Variants in ANK2 observed in about 807,000 individuals in gnomAD.
ANK2 encodes ankyrin-2.
In ANK2, 83 loss-of-function variants were observed where a neutral mutation model predicts 360.5. That is an observed-to-expected ratio of 0.23 (90% CI 0.19 to 0.28). The LOEUF (loss-of-function observed/expected upper bound fraction) is 0.28. ANK2 is among the 10% of genes least tolerant of loss of function. ANK2 has a pLI of 1.00. For missense variants in ANK2, 4,201 were observed against 4,795.7 expected (o/e 0.88, Z 3.66); for synonymous variants, 1,740 against 1,759.5 (o/e 0.99, Z 0.28).
intron 2 of ANK2, among the ~76,000 whole-genome samples, chr4:113,184,939 A>C (rs185964425): frequency 6.0e-4 from 91 of 152,018 alleles, no homozygotes; most frequent in African/African-American, 1.9e-3. Flanking sequence ...GCTCCCACTT[A>C]TGAGTGAGAT....
chr4:112,975,984 T>A (rs2041247578), intron 2 of ANK2, among the ~76,000 whole-genome samples: 1 of 152,182 alleles, frequency 6.6e-6, no homozygotes, highest in Non-Finnish European at 1.5e-5. Context: ...TCCTATCTTA[T>A]ATTTAATTGG....
intron 14 of ANK2, among the ~76,000 whole-genome samples, chr4:113,269,919 T>C (rs1422379766): frequency 6.6e-6 from 1 of 152,236 alleles, no homozygotes; most frequent in East Asian, 1.9e-4. Flanking sequence ...ATTACTCTTG[T>C]TGTCTTGGTT....
intron 15 of ANK2, among the ~76,000 whole-genome samples, chr4:113,275,500 C>T (rs1436813625): frequency 1.3e-5 from 2 of 152,126 alleles, no homozygotes; most frequent in Non-Finnish European, 2.9e-5. Flanking sequence ...ATAAGTACTT[C>T]ATCCAGGGAG....
At chr4:113,250,217 T>C (rs2045390562) in intron 10 of ANK2, among the ~76,000 whole-genome samples, 1 of 152,188 alleles carries the variant, frequency 6.6e-6, no homozygotes, top group Admixed American at 6.5e-5. Flanking sequence ...TATATAAAAT[T>C]ATCTTTTAAA....
At chr4:112,717,556 G>T in the ANK2 span, among the ~76,000 whole-genome samples, 1 of 152,112 alleles carries the variant, frequency 6.6e-6, no homozygotes, top group Non-Finnish European at 1.5e-5. Flanking sequence ...GTAGATTTCA[G>T]AGTAATAGAC....
chr4:112,894,164 TA>T (rs569323034), intron 1 of ANK2, among the ~76,000 whole-genome samples: 71 of 148,880 alleles, frequency 4.8e-4, no homozygotes, highest in Middle Eastern at 7.0e-3. Flanking sequence ...TGGCTTCTTT[TA>T]AAAAAAAAAA....
intron 1 of ANK2, among the ~76,000 whole-genome samples, chr4:112,859,467 G>A (rs2067305911): frequency 6.6e-6 from 1 of 152,214 alleles, no homozygotes; most frequent in African/African-American, 2.4e-5. Flanking sequence ...CCAGTTAGGT[G>A]TATGTTTTAC....
intron 1 of ANK2, among the ~76,000 whole-genome samples, chr4:113,161,337 G>A (rs183172572): frequency 0.015 from 2,332 of 152,234 alleles, 25 homozygotes; most frequent in Non-Finnish European, 0.026. Flanking sequence ...TTTTTTAAAA[G>A]GCAGTGCAAG....
intron 10 of ANK2, among the ~76,000 whole-genome samples, chr4:113,253,998 G>A (rs549388866): frequency 4.9e-4 from 75 of 152,184 alleles, no homozygotes; most frequent in Admixed American, 3.9e-3. Flanking sequence ...GATCATGCCC[G>A]TTATAATCCC....
In ANK2 at chr4:113,356,015, G is replaced by A. The variant is rs142078935; in HGVS notation, c.7397G>A (p.Arg2466His). ...EPSPLKESPCRDSLESSPVEP... is the reference protein window; with the variant it reads ...EPSPLKESPCHDSLESSPVEP... ...AGTCCTCTGAAAGAATCCCCTTGCC[G>A]TGACTCTCTGGAAAGCAGCCCTGTT... Residue 2466 changes from arginine to histidine, a missense_variant, in exon 38 of 46, where the codon CGT becomes CAT. This residue lies in a region of ANK2 where 2,642 missense variants were observed against 2,714.5 expected (regional missense o/e 0.97). Coordinates refer to ENST00000357077, the MANE Select transcript of ANK2 (RefSeq NM_001148.6). 870 of 1,614,074 alleles carry A rather than the reference G, an allele frequency of 5.4e-4. 4 individuals carry two copies. The highest frequency in any genetic ancestry group is 5.0e-4 in the Non-Finnish European group (586 of 1,179,972).
intron 1 of ANK2, among the ~76,000 whole-genome samples, chr4:112,881,389 T>C (rs2076658734): frequency 1.3e-5 from 2 of 152,206 alleles, no homozygotes; most frequent in Non-Finnish European, 2.9e-5. Context: ...TGAGCTGAGA[T>C]TGTGCCACTG....
chr4:112,726,743 C>T, the ANK2 span, among the ~76,000 whole-genome samples: 4 of 149,236 alleles, frequency 2.7e-5, no homozygotes, highest in African/African-American at 7.4e-5. Flanking sequence ...CCCAGCTACT[C>T]GGGAGGCTGA....
chr4:112,990,279 AAAT>A (rs1297665313), intron 2 of ANK2, among the ~76,000 whole-genome samples: 1 of 152,062 alleles, frequency 6.6e-6, no homozygotes, highest in Non-Finnish European at 1.5e-5. Context: ...AATAGCAATA[AAAT>A]AATAATAATA....
At chr4:112,817,582 G>A (rs2055778723), upstream of ANK2, among the ~76,000 whole-genome samples, 1 of 151,966 alleles carries the variant, frequency 6.6e-6, no homozygotes, top group Non-Finnish European at 1.5e-5. Context: ...ACTCAGTGGT[G>A]ACTAGCTTAA....
chr4:112,880,989 G>A (rs1046095587), intron 1 of ANK2: 4 of 152,166 alleles, frequency 2.6e-5, no homozygotes, highest in Admixed American at 6.5e-5. Flanking sequence ...TAAAAATGAT[G>A]ACTATGCTTC....
intron 2 of ANK2, among the ~76,000 whole-genome samples, chr4:112,962,501 A>G (rs1427153352): frequency 6.6e-6 from 1 of 152,200 alleles, no homozygotes; most frequent in Non-Finnish European, 1.5e-5. Flanking sequence ...GCAGCCATGA[A>G]CATAAAAGTG....
chr4:112,983,668 T>C (rs1004977968), intron 2 of ANK2, among the ~76,000 whole-genome samples: 1 of 136,670 alleles, frequency 7.3e-6, no homozygotes, highest in Non-Finnish European at 1.5e-5. Context: ...AGAGTGAAAC[T>C]CCGTCTCAGA....
At chr4:113,313,229 T>C (rs762029701) in intron 24 of ANK2, among the ~76,000 whole-genome samples, 1 of 152,218 alleles carries the variant, frequency 6.6e-6, no homozygotes, top group Non-Finnish European at 1.5e-5. Context: ...GTAATGTTCA[T>C]GGCATTGCAC....
In ANK2 at chr4:112,991,305, C is replaced by T. The variant is rs908557151; in HGVS notation, c.21+86791C>T. Among the ~76,000 whole-genome samples the T allele has an allele frequency of 2.6e-5, 4 of 151,516 alleles. No homozygotes were observed. In the South Asian group the frequency reaches 6.3e-4, roughly 24 times the overall value. On this transcript the variant is annotated intron_variant, in intron 2 of 30. Transcript: ENST00000503271. Reference sequence around the variant, plus strand: ...CATTGGTTCAATGATATTAAAAACCCTGTAGCACTCATTTGCTGCATTCAT... The same window carrying T: ...CATTGGTTCAATGATATTAAAAACCTTGTAGCACTCATTTGCTGCATTCAT...
Sources: allele counts gnomAD v4.1 joint callset (sites outside exome capture counted in the v4.1 genomes callset), GRCh38; gene constraint gnomAD v4.1.1; regional missense constraint gnomAD v4.1.1; transcripts MANE v1.5; gene names NCBI Gene and HGNC (gene_info 2026-07-23, HGNC 2026-07-21).